Variants in DPYD observed in about 807,000 individuals in gnomAD.
The protein encoded by DPYD is dihydropyrimidine dehydrogenase [NADP(+)].
Under a neutral mutation model 116.2 loss-of-function variants are expected in DPYD, and 109 were observed. The observed-to-expected ratio is 0.94, with a 90% confidence interval of 0.80 to 1.10. The LOEUF (loss-of-function observed/expected upper bound fraction) is 1.10. DPYD is among the 50% of genes least tolerant of loss of function. The pLI, the probability that DPYD is intolerant of heterozygous loss-of-function variation, is 0.00. For missense variants in DPYD, 1,302 were observed against 1,254.5 expected (o/e 1.04, Z -0.57); for synonymous variants, 440 against 432.0 (o/e 1.02, Z -0.23).
intron 12 of DPYD, among the ~76,000 whole-genome samples, chr1:97,548,926 T>C (rs1651109839): frequency 6.6e-6 from 1 of 152,154 alleles, no homozygotes. Context: ...TAGATTCTAG[T>C]ATATGTCCTA....
chr1:97,302,526 T>C (rs887769505), intron 18 of DPYD, among the ~76,000 whole-genome samples: 53 of 151,984 alleles, frequency 3.5e-4, no homozygotes, highest in African/African-American at 1.2e-3. Flanking sequence ...ATAGCAAAGC[T>C]GAGGATAAGA....
intron 10 of DPYD, among the ~76,000 whole-genome samples, chr1:97,590,719 C>G (rs1410923397): frequency 6.6e-6 from 1 of 152,160 alleles, no homozygotes; most frequent in African/African-American, 2.4e-5. Flanking sequence ...AAGTTTCAGG[C>G]AGCTGAGCTC....
intron 19 of DPYD, among the ~76,000 whole-genome samples, chr1:97,195,269 G>A (rs889643153): frequency 2.6e-5 from 4 of 151,972 alleles, no homozygotes; most frequent in African/African-American, 7.2e-5. Flanking sequence ...ATATCAGGGT[G>A]TCTGGCAATG....
In DPYD at chr1:97,571,971, T is replaced by C. The variant is rs564917137; in HGVS notation, c.1339+1789A>G. On this transcript the variant is annotated intron_variant, in intron 11 of 22. Transcript: ENST00000370192. Reference sequence around the variant, plus strand: ...TATCTCACACTGCAGCTCTGCCAGCTCCCCTCTCACTTGGAGAATAACTTC... The same window carrying C: ...TATCTCACACTGCAGCTCTGCCAGCCCCCCTCTCACTTGGAGAATAACTTC... Among the ~76,000 whole-genome samples, 198 of 151,978 alleles carry C rather than the reference T, an allele frequency of 1.3e-3. 6 individuals are homozygous for C. In the South Asian group the frequency reaches 0.037, roughly 28 times the overall value.
At chr1:97,112,607 G>A (rs1428764278) in intron 20 of DPYD, among the ~76,000 whole-genome samples, 1 of 152,092 alleles carries the variant, frequency 6.6e-6, no homozygotes, top group Non-Finnish European at 1.5e-5. Context: ...AAACAGAAGA[G>A]ACTTGAATTC....
intron 18 of DPYD, among the ~76,000 whole-genome samples, chr1:97,269,825 TGGAGGTTA>T (rs1664462319): frequency 6.6e-6 from 1 of 152,164 alleles, no homozygotes; most frequent in African/African-American, 2.4e-5. Flanking sequence ...ACAGTCACAT[TGGAGGTTA>T]GGAGGTTAGG....
chr1:97,599,911 T>C (rs1655143623), intron 8 of DPYD, among the ~76,000 whole-genome samples: 2 of 142,036 alleles, frequency 1.4e-5, no homozygotes, highest in African/African-American at 5.2e-5. Context: ...CCGGGCGTGC[T>C]GGCTCATGCC....
At chr1:97,740,315 G>A in intron 4 of DPYD, 77 bp downstream of exon 4, 8 of 1,239,148 alleles carry the variant, frequency 6.5e-6, no homozygotes, top group Non-Finnish European at 8.3e-6. Flanking sequence ...AAGACAAGCT[G>A]TATTCTGTAC....
chr1:97,304,868 T>C (rs1276751037), intron 18 of DPYD, among the ~76,000 whole-genome samples: 2 of 151,886 alleles, frequency 1.3e-5, no homozygotes, highest in Non-Finnish European at 2.9e-5. Context: ...TTGAAGAAGG[T>C]AGATGTCTAA....
At chr1:97,349,546 T>A (rs2101310784) in intron 16 of DPYD, among the ~76,000 whole-genome samples, 1 of 152,162 alleles carries the variant, frequency 6.6e-6, no homozygotes, top group East Asian at 1.9e-4. Flanking sequence ...CCTTCCTGTG[T>A]CCATGTGTTC....
chr1:97,164,530 A>C (rs1175307363), intron 20 of DPYD, among the ~76,000 whole-genome samples: 2 of 152,136 alleles, frequency 1.3e-5, no homozygotes, highest in Admixed American at 1.3e-4. Context: ...AGAAAACCTC[A>C]TAGTCTTGCC....
intron 14 of DPYD, among the ~76,000 whole-genome samples, chr1:97,399,405 G>A (rs965239565): frequency 3.3e-5 from 5 of 152,014 alleles, no homozygotes; most frequent in East Asian, 1.9e-4. Context: ...CGTTCTTTTG[G>A]CTTAGGATTG....
chr1:97,212,082 T>C (rs1660067121), intron 19 of DPYD, among the ~76,000 whole-genome samples: 2 of 151,814 alleles, frequency 1.3e-5, no homozygotes, highest in Non-Finnish European at 2.9e-5. Flanking sequence ...ATAATTTACA[T>C]AGCATAAAAC....
At chr1:97,756,649 C>A (rs1037529989) in intron 3 of DPYD, among the ~76,000 whole-genome samples, 6 of 151,984 alleles carry the variant, frequency 3.9e-5, no homozygotes, top group Admixed American at 3.3e-4. Context: ...TTCAGAACAA[C>A]CCCACAGAGA....
In DPYD at chr1:97,141,324, T is replaced by C. The variant is rs115552090; in HGVS notation, c.2623-42692A>G. Reference sequence around the variant, plus strand: ...ATGAGCATGGCCACTATTCCTCTACTCTACCTTACTTACCTCCCTGACTTT... The same window carrying C: ...ATGAGCATGGCCACTATTCCTCTACCCTACCTTACTTACCTCCCTGACTTT... On this transcript the variant is annotated intron_variant, in intron 20 of 22. Transcript: ENST00000370192. Among the ~76,000 whole-genome samples the C allele has an allele frequency of 3.6e-3, 553 of 152,214 alleles. 5 individuals carry two copies. Among genetic ancestry groups the C allele is most frequent in the Non-Finnish European group, 6.4e-3 (438 of 68,016 alleles).
chr1:97,306,092 G>C, intron 17 of DPYD, 85 bp downstream of exon 17: 1 of 1,596,770 alleles, frequency 6.3e-7, no homozygotes, highest in South Asian at 1.1e-5. Flanking sequence ...GCACATGTTT[G>C]TAGGAAAAGA....
chr1:97,672,727 G>T (rs1659935682), intron 8 of DPYD, among the ~76,000 whole-genome samples: 1 of 152,090 alleles, frequency 6.6e-6, no homozygotes, highest in Non-Finnish European at 1.5e-5. Flanking sequence ...AAAAATTCCT[G>T]ATTAAGAAGC....
intron 20 of DPYD, among the ~76,000 whole-genome samples, chr1:97,157,362 T>C (rs1014424425): frequency 6.6e-6 from 1 of 152,214 alleles, no homozygotes; most frequent in Non-Finnish European, 1.5e-5. Flanking sequence ...TTTCTGCCCA[T>C]GCACACAGTT....
chr1:97,520,341 A>T (rs1648552713), intron 12 of DPYD, among the ~76,000 whole-genome samples: 2 of 152,146 alleles, frequency 1.3e-5, no homozygotes, highest in Non-Finnish European at 2.9e-5. Context: ...AATAAATCTA[A>T]GACTTTACTC....
Sources: gnomAD v4.1 joint callset for allele counts (sites outside exome capture counted in the v4.1 genomes callset) on GRCh38, gnomAD v4.1.1 for gene constraint, MANE v1.5 for transcripts, NCBI Gene and HGNC (gene_info 2026-07-23, HGNC 2026-07-21) for gene names.